IQCH: variants seen among roughly 807,000 people sequenced by gnomAD.
IQCH encodes the protein IQ domain-containing protein H.
In IQCH, 98 loss-of-function variants were observed where a neutral mutation model predicts 117.0. The observed-to-expected ratio is 0.84, with a 90% confidence interval of 0.71 to 0.99. IQCH has a LOEUF of 0.99. Ranked by LOEUF, IQCH falls within the 50% of genes least tolerant of loss-of-function variation. IQCH has a pLI of 0.00. For missense variants in IQCH, 1,102 were observed against 1,243.8 expected (o/e 0.89, Z 1.72); for synonymous variants, 412 against 448.2 (o/e 0.92, Z 1.02).
chr15:67,305,702 G>A (rs986212634), intron 4 of IQCH, among the ~76,000 whole-genome samples: 1 of 152,074 alleles, frequency 6.6e-6, no homozygotes, highest in Non-Finnish European at 1.5e-5. Flanking sequence ...TGTGTTTCAT[G>A]TGAACTTTTT....
rs190830138 is a variant in IQCH at position 67,478,168 on chromosome 15, T to C, written c.2799+2350T>C. On this transcript the variant is annotated intron_variant, in intron 18 of 20. Coordinates refer to ENST00000335894, the MANE Select transcript of IQCH (RefSeq NM_001031715.3). ...GGGAGGCCGAGGTGGGTGGATCACC[T>C]GAGGTCAGGAGTTCGAGTCCAGCCT... 2.2e-4 allele frequency among the ~76,000 whole-genome samples: 34 copies of C among 151,712 alleles called. 1 individual carries two copies. In the East Asian group the frequency reaches 5.7e-3, roughly 25 times the overall value.
chr15:67,494,603 C>G lies in IQCH; in HGVS notation c.2970+237C>G, dbSNP rs1041107914. On this transcript the variant is annotated intron_variant, in intron 20 of 20. Coordinates refer to ENST00000335894, the MANE Select transcript of IQCH (RefSeq NM_001031715.3). This position sits in a 1 kb window ranked among gnomAD's most constrained non-coding sequence, Gnocchi z 5.5. The stretch of plus-strand genomic sequence containing the variant: ...TTTAACTTGCTGCCATTTTCAAACT[C>G]CAGCTCCTAAGATAGCAGATCTTTC... Among the ~76,000 whole-genome samples, 2 of 152,170 alleles carry G rather than the reference C, an allele frequency of 1.3e-5. No individual in the cohort carries two copies. The highest frequency in any genetic ancestry group is 4.8e-5 in the African/African-American group (2 of 41,432).
At chr15:67,267,347 G>A (rs112774925) in intron 3 of IQCH, among the ~76,000 whole-genome samples, 2,026 of 149,610 alleles carry the variant, frequency 0.014, 39 homozygotes, top group African/African-American at 0.047. Context: ...CTGGCTCTCA[G>A]GGGGGCATCC....
In IQCH at chr15:67,333,670, C is replaced by A. The variant is rs144196336; in HGVS notation, c.388-3305C>A. Among the ~76,000 whole-genome samples the A allele has an allele frequency of 1.6e-4, 24 of 152,232 alleles. No homozygotes were observed. The East Asian group carries it at 2.7e-3, about 17-fold the overall frequency. ...TTTTTCTATTTGAAAACACTGGAAG[C>A]AAATATGCCAAAATATTAACAATAG... is the stretch of plus-strand genomic sequence containing the variant. On this transcript the variant is annotated intron_variant, in intron 4 of 20. Coordinates refer to ENST00000335894, the MANE Select transcript of IQCH (RefSeq NM_001031715.3).
At chr15:67,269,534 G>GT (rs1367063949) in intron 3 of IQCH, among the ~76,000 whole-genome samples, 3 of 152,172 alleles carry the variant, frequency 2.0e-5, no homozygotes, top group Non-Finnish European at 4.4e-5. Context: ...GTACAGTAGA[G>GT]TAGTGTTAAC....
In IQCH at chr15:67,500,586, G is replaced by A. The variant is rs1405838108; in HGVS notation, c.2971-47G>A. 1 of 935,336 alleles carries A rather than the reference G, an allele frequency of 1.1e-6. No homozygotes were observed. The highest frequency in any genetic ancestry group is 2.4e-5 in the East Asian group (1 of 40,916). The allele number at this position is 935,336 out of a possible 1,614,324, so 57.9% of individuals were successfully genotyped here. On this transcript the variant is annotated intron_variant, in intron 20 of 20. Transcript: ENST00000335894. This position sits in a 1 kb window ranked among gnomAD's most constrained non-coding sequence, Gnocchi z 4.4. ...AAAAGGACCAGATGCTTGGGGGAGA[G>A]GGATTGTAAGAGGTCTTTAAGTAAT...
rs2082734427 is a variant in IQCH at position 67,459,347 on chromosome 15, A to G, written c.2506-5780A>G. 6.6e-6 allele frequency among the ~76,000 whole-genome samples: 1 copy of G among 152,216 alleles called. No homozygotes were observed. ...GAGTCCCATACGTGCCCTGATGCCC[A>G]TAGGAGAAGGGTGGCAAGAGGCAAC... On this transcript the variant is annotated intron_variant, in intron 16 of 20. Coordinates refer to ENST00000335894, the MANE Select transcript of IQCH (RefSeq NM_001031715.3). The surrounding 1 kb of genome is among the most constrained non-coding windows in gnomAD (Gnocchi z 4.2).
chr15:67,444,740 A>G (rs1221809316), intron 16 of IQCH, among the ~76,000 whole-genome samples: 2 of 152,242 alleles, frequency 1.3e-5, no homozygotes, highest in East Asian at 3.8e-4. Flanking sequence ...ATGGATATCA[A>G]AATGCATATT....
chr15:67,314,859 G>A (rs960553369), intron 4 of IQCH, among the ~76,000 whole-genome samples: 1 of 151,834 alleles, frequency 6.6e-6, no homozygotes, highest in African/African-American at 2.4e-5. Flanking sequence ...TGTGTAGTTC[G>A]AAGAAAATAT....
intron 10 of IQCH, among the ~76,000 whole-genome samples, chr15:67,375,616 T>G (rs1479515926): frequency 6.6e-6 from 1 of 152,104 alleles, no homozygotes; most frequent in African/African-American, 2.4e-5. Context: ...AACAACATGA[T>G]ACCCATTTTA....
At position 67,364,847 on chromosome 15, in the gene IQCH, T is replaced by C. The variant is rs972445330; in HGVS notation, c.753+4962T>C. On this transcript the variant is annotated intron_variant, in intron 8 of 20. Coordinates refer to ENST00000335894, the MANE Select transcript of IQCH (RefSeq NM_001031715.3). The surrounding 1 kb of genome is among the most constrained non-coding windows in gnomAD (Gnocchi z 4.1). ...TGATTTAAAATTCATAAAACATTTT[T>C]AGTGGCTTTATAATATCTTTATTAA... Among the ~76,000 whole-genome samples, 2 of 152,238 alleles carry C rather than the reference T, an allele frequency of 1.3e-5. No homozygotes were observed. Among genetic ancestry groups the C allele is most frequent in the Admixed American group, 1.3e-4 (2 of 15,282 alleles).
At position 67,475,059 on chromosome 15, in the gene IQCH, G is replaced by T. The variant is rs2083170275; in HGVS notation, c.2677-637G>T. On this transcript the variant is annotated intron_variant, in intron 17 of 20. Transcript: ENST00000335894. The surrounding 1 kb of genome is among the most constrained non-coding windows in gnomAD (Gnocchi z 5.7). ...GGGAAAGTCTGTGAAGCCGTCACAGGCCAGAGAAGCCTAAGGAGATATGAC... is the reference window on the plus strand; with the variant it reads ...GGGAAAGTCTGTGAAGCCGTCACAGTCCAGAGAAGCCTAAGGAGATATGAC... 6.6e-6 allele frequency among the ~76,000 whole-genome samples: 1 copy of T among 152,204 alleles called. No individual in the cohort carries two copies.
intron 12 of IQCH, 102 bp downstream of exon 12, chr15:67,389,108 T>G: frequency 2.3e-6 from 2 of 886,614 alleles, no homozygotes; most frequent in Non-Finnish European, 3.5e-6. Flanking sequence ...TGAAATATTA[T>G]TGCAAGTTTA....
intron 18 of IQCH, among the ~76,000 whole-genome samples, chr15:67,486,038 C>CCTTTTTT (rs1555513837): frequency 9.2e-4 from 98 of 106,342 alleles, no homozygotes; most frequent in African/African-American, 3.4e-3. Flanking sequence ...GCTAAGTTTT[C>CCTTTTTT]TTTTTTTTTT....
chr15:67,310,399 G>C (rs751620164), intron 4 of IQCH, among the ~76,000 whole-genome samples: 13 of 151,970 alleles, frequency 8.6e-5, no homozygotes, highest in Non-Finnish European at 1.6e-4. Context: ...TTGAAATTCA[G>C]ATCTGCTCAT....
At chr15:67,460,204 G>A (rs2082757127) in intron 16 of IQCH, among the ~76,000 whole-genome samples, 1 of 152,098 alleles carries the variant, frequency 6.6e-6, no homozygotes, top group South Asian at 2.1e-4. Context: ...CATTTCAAGT[G>A]CTCAATAGCC....
intron 10 of IQCH, among the ~76,000 whole-genome samples, chr15:67,379,228 A>G (rs140090425): frequency 1.3e-5 from 2 of 152,320 alleles, no homozygotes; most frequent in East Asian, 1.9e-4. Flanking sequence ...CCCTACACAG[A>G]TAAGTATTTG....
In IQCH at chr15:67,494,947, G is replaced by C. The variant is rs528266976; in HGVS notation, c.2970+581G>C. 3.0e-4 allele frequency among the ~76,000 whole-genome samples: 45 copies of C among 152,320 alleles called. 1 individual carries two copies. The highest frequency in any genetic ancestry group is 1.0e-3 in the African/African-American group (43 of 41,572). On this transcript the variant is annotated intron_variant, in intron 20 of 20. Transcript: ENST00000335894. This position sits in a 1 kb window ranked among gnomAD's most constrained non-coding sequence, Gnocchi z 5.5. ...ATGTTGGTCTATCAAATCCAGTTGT[G>C]TATAATTGACTAGAAGTCTCCAAAC...
In IQCH at chr15:67,406,562, C is replaced by T. The variant is rs1156314816; in HGVS notation, c.2097+6257C>T. 2 of 152,110 alleles carry T rather than the reference C, an allele frequency of 1.3e-5. No individual in the cohort carries two copies. Among genetic ancestry groups the T allele is most frequent in the Non-Finnish European group, 2.9e-5 (2 of 68,036 alleles). The allele number at this position is 152,110 out of a possible 1,614,324, so 9.4% of individuals were successfully genotyped here. A position where few individuals can be genotyped will look rare whatever the true frequency, so the allele number is the denominator to read the frequency against. On this transcript the variant is annotated intron_variant, in intron 14 of 20. Coordinates refer to ENST00000335894, the MANE Select transcript of IQCH (RefSeq NM_001031715.3). This position sits in a 1 kb window ranked among gnomAD's most constrained non-coding sequence, Gnocchi z 4.5. ...CCCTGTTTTTTAAAAAAATAAGCAA[C>T]CAAATATTTTGTTTTTGTTTTAATT...
Sources: allele counts gnomAD v4.1 joint callset (sites outside exome capture counted in the v4.1 genomes callset), GRCh38; gene constraint gnomAD v4.1.1; non-coding constraint Gnocchi (gnomAD v3.1); transcripts MANE v1.5; gene names NCBI Gene and HGNC (gene_info 2026-07-23, HGNC 2026-07-21).